The following RPL28 variants were observed in gnomAD, a reference collection of about 807,000 sequenced individuals.
RPL28 encodes ribosomal protein L28.
RPL28 carries 4 observed loss-of-function variants against 12.5 expected under a neutral mutation model. The ratio of observed to expected loss-of-function variants is 0.32; its 90% CI spans 0.16 to 0.73. The LOEUF (loss-of-function observed/expected upper bound fraction) is 0.73. Among genes scored for constraint, RPL28 ranks in the 30% least tolerant of loss-of-function variants. The pLI is 0.66. For missense variants in RPL28, 214 were observed against 197.7 expected (o/e 1.08, Z -0.49); for synonymous variants, 91 against 72.5 (o/e 1.26, Z -1.30).
chr19:55,401,794 C>G, intron 4 of RPL28: 2 of 1,611,484 alleles, frequency 1.2e-6, no homozygotes, highest in Middle Eastern at 1.7e-4. Context: ...CACAGTGGGT[C>G]GGGCAACCTA....
chr19:55,401,184 G>T (rs2090054911), intron 4 of RPL28: 1 of 564,766 alleles, frequency 1.8e-6, no homozygotes, highest in Admixed American at 3.4e-5. Context: ...TGCAGTCCAT[G>T]AGGCTTTACA....
At position 55,390,137 on chromosome 19, in the gene RPL28, ATATAATGAGATGCT is replaced by A. The variant is rs2089976726; in HGVS notation, c.*1807_*1820del. ...CAAGGGGTTTGTCTAGCACACCAGC[ATATAATGAGATGCT>A]TGATGAATGGTGCATATTGAATGTA... is the stretch of plus-strand genomic sequence containing the variant. On this transcript the variant is annotated 3_prime_UTR_variant, in exon 5 of 5. Coordinates refer to ENST00000344063, the MANE Select transcript of RPL28 (RefSeq NM_000991.5). 3.0e-6 allele frequency: 3 copies of A among 985,386 alleles called. No homozygotes were observed. The Admixed American group carries it at 1.8e-4, about 61-fold the overall frequency. 61.0% of individuals were successfully genotyped at this position (985,386 alleles called of 1,614,324 possible).
chr19:55,391,542 C>A lies in RPL28; in HGVS notation c.*3210C>A. ...AGCAGAGACTCGGGACTGAGGCATC[C>A]TCTGTTCACAGGACATGCTGGCATC... On this transcript the variant is annotated 3_prime_UTR_variant, in exon 5 of 5. Coordinates refer to ENST00000344063, the MANE Select transcript of RPL28 (RefSeq NM_000991.5). 1 of 1,517,028 alleles carries A rather than the reference C, an allele frequency of 6.6e-7. No homozygotes were observed. Among genetic ancestry groups the A allele is most frequent in the Non-Finnish European group, 8.9e-7 (1 of 1,121,286 alleles). The allele number at this position is 1,517,028 out of a possible 1,614,324, so 94.0% of individuals were successfully genotyped here.
intron 2 of RPL28, 36 bp from the exon 3 acceptor site, chr19:55,386,534 C>T (rs1314303963): frequency 6.3e-7 from 1 of 1,599,640 alleles, no homozygotes; most frequent in African/African-American, 1.3e-5. Flanking sequence ...TCTCCGGGTC[C>T]CTTATTCACG....
intron 3 of RPL28, 102 bp downstream of exon 3, chr19:55,386,795 C>T (rs763414628): frequency 1.9e-6 from 3 of 1,609,226 alleles, no homozygotes; most frequent in South Asian, 2.2e-5. Context: ...GCCATCGCGG[C>T]GGGCATCCCT....
At chr19:55,402,794 C>T (rs1000045314) in intron 4 of RPL28, 4 of 633,750 alleles carry the variant, frequency 6.3e-6, no homozygotes, top group South Asian at 2.0e-5. Flanking sequence ...GGAAGGGAGG[C>T]GGTACATGTG....
rs867714767 is a variant in RPL28, at chr19:55,388,724, C to G, written c.*392C>G. 7.8e-6 allele frequency: 8 copies of G among 1,030,924 alleles called. No individual in the cohort carries two copies. In the African/African-American group the frequency reaches 1.2e-4, roughly 15 times the overall value. The allele number at this position is 1,030,924 out of a possible 1,614,324, so 63.9% of individuals were successfully genotyped here. On this transcript the variant is annotated 3_prime_UTR_variant, in exon 5 of 5. Coordinates refer to ENST00000344063, the MANE Select transcript of RPL28 (RefSeq NM_000991.5). ...TGGGCCCTGGGCCCTGGTGCTGTAG[C>G]ACGGTTTGGGGACTTGGGGTGTTCC...
Position 55,388,856 on chromosome 19 carries a change from C to T in RPL28, c.*524C>T, listed in dbSNP as rs906416713. 7 of 986,406 alleles carry T rather than the reference C, an allele frequency of 7.1e-6. No individual in the cohort carries two copies. Among genetic ancestry groups the T allele is most frequent in the African/African-American group, 1.7e-5 (1 of 57,378 alleles). The allele number at this position is 986,406 out of a possible 1,614,324, so 61.1% of individuals were successfully genotyped here. ...AGGGGATGGGCTTTACTTGATGCAA[C>T]CTCATCTCTGAGATGGGCAACTTGG... On this transcript the variant is annotated 3_prime_UTR_variant, in exon 5 of 5. Transcript: ENST00000344063.
At chr19:55,401,520 C>T (rs2090058018) in intron 4 of RPL28, 5 of 1,610,222 alleles carry the variant, frequency 3.1e-6, no homozygotes, top group Non-Finnish European at 4.2e-6. Context: ...GCTTCTTGGC[C>T]ATGGGACCCT....
At chr19:55,387,363 G>T in intron 3 of RPL28, 2 of 1,551,662 alleles carry the variant, frequency 1.3e-6, no homozygotes, top group South Asian at 2.4e-5. Context: ...AACAAACGCA[G>T]TCTGTTGGCT....
intron 4 of RPL28, 30 bp from the exon 5 acceptor site, chr19:55,388,213 C>A: frequency 1.3e-6 from 2 of 1,517,432 alleles, no homozygotes; most frequent in Non-Finnish European, 1.8e-6. Context: ...AGTGTATGGG[C>A]TGAGCCTTGC....
intron 3 of RPL28, 67 bp downstream of exon 3, chr19:55,386,760 CTG>C: frequency 6.2e-7 from 1 of 1,611,728 alleles, no homozygotes. Context: ...TGATTTTTTA[CTG>C]TCAGGCAGGA....
downstream of RPL28, among the ~76,000 whole-genome samples, chr19:55,393,313 G>A (rs894860344): frequency 7.7e-6 from 1 of 130,224 alleles, no homozygotes; most frequent in African/African-American, 2.8e-5. Flanking sequence ...GCAAGGCCCG[G>A]GATCTGGCCC....
chr19:55,399,952 C>CGAA (rs2090045314), intron 4 of RPL28: 1 of 152,168 alleles, frequency 6.6e-6, no homozygotes, highest in African/African-American at 2.4e-5. Context: ...CCTTGTCTTT[C>CGAA]CTTCGCTCCC....
At chr19:55,396,472 A>C (rs531956633), downstream of RPL28, among the ~76,000 whole-genome samples, 2,457 of 64,618 alleles carry the variant, frequency 0.038, 203 homozygotes, top group African/African-American at 0.089. Context: ...CTTTTAGGAA[A>C]GTTCTCCCCC....
downstream of RPL28, among the ~76,000 whole-genome samples, chr19:55,392,890 C>T (rs1051896574): frequency 3.3e-5 from 5 of 152,138 alleles, no homozygotes; most frequent in Non-Finnish European, 7.4e-5. Flanking sequence ...CTCCCCCTTG[C>T]TCCTTTTCCC....
chr19:55,399,759 A>AT (rs2090044025), intron 4 of RPL28: 1 of 152,142 alleles, frequency 6.6e-6, no homozygotes, highest in African/African-American at 2.4e-5. Flanking sequence ...GGCAAATATT[A>AT]TTTTTATTAT....
At chr19:55,399,255 G>A (rs2090041020) in intron 4 of RPL28, among the ~76,000 whole-genome samples, 2 of 152,024 alleles carry the variant, frequency 1.3e-5, no homozygotes, top group African/African-American at 4.8e-5. Flanking sequence ...AAACCTCTGT[G>A]TCCCAGGTTC....
downstream of RPL28, among the ~76,000 whole-genome samples, chr19:55,392,860 T>G (rs553619617): frequency 6.6e-6 from 1 of 152,246 alleles, no homozygotes; most frequent in Admixed American, 6.5e-5. Context: ...TTACACAGAT[T>G]GGATCATGGC....
Sources: gnomAD v4.1 joint callset for allele counts (sites outside exome capture counted in the v4.1 genomes callset) on GRCh38, gnomAD v4.1.1 for gene constraint, MANE v1.5 for transcripts, NCBI Gene and HGNC (gene_info 2026-07-23, HGNC 2026-07-21) for gene names.